Variants in COL6A6 observed in about 807,000 individuals in gnomAD.
COL6A6 encodes the protein collagen type VI alpha 6 chain.
Under a neutral mutation model 208.6 loss-of-function variants are expected in COL6A6, and 183 were observed. The ratio of observed to expected loss-of-function variants is 0.88; its 90% CI spans 0.78 to 0.99. The LOEUF is 0.99. Among genes scored for constraint, COL6A6 ranks in the 50% least tolerant of loss-of-function variants. COL6A6 has a pLI of 0.00. For synonymous variants in COL6A6, 973 were observed against 1,011.8 expected, an observed-to-expected ratio of 0.96 and a Z score of 0.73; for missense variants, 2,816 against 2,815.2, an observed-to-expected ratio of 1.00 and a Z score of -0.01.
chr3:130,668,664 G>A (rs1195511854), intron 36 of COL6A6, among the ~76,000 whole-genome samples: 2 of 152,134 alleles, frequency 1.3e-5, no homozygotes, highest in Non-Finnish European at 2.9e-5. Context: ...TAAAGAGGAT[G>A]ACTACATGAT....
rs371520731 is a variant in COL6A6, at chr3:130,563,623, T to C, written c.620T>C (p.Ile207Thr). The change falls in exon 3 of 37, where the codon ATA becomes ACA. Residue 207 changes from isoleucine (I) to threonine (T), a missense_variant. Physicochemically the swap from Ile to Thr is moderately conservative, Grantham distance 89 (BLOSUM62 -1). Coordinates refer to ENST00000358511, the MANE Select transcript of COL6A6 (RefSeq NM_001102608.3). ...QNMTHIIKDVIKYKEGAVDDI... is the reference protein window; with the variant it reads ...QNMTHIIKDVTKYKEGAVDDI... The stretch of plus-strand genomic sequence containing the variant: ...ATGACACACATCATCAAGGATGTAA[T>C]AAAGTACAAGGAGGGAGCAGTTGAT... 3 of 1,613,686 alleles carry C rather than the reference T, an allele frequency of 1.9e-6. No homozygotes were observed. Among genetic ancestry groups the C allele is most frequent in the African/African-American group, 1.3e-5 (1 of 74,904 alleles).
At chr3:130,595,876 T>A (rs934180815) in intron 18 of COL6A6, among the ~76,000 whole-genome samples, 3 of 152,178 alleles carry the variant, frequency 2.0e-5, no homozygotes, top group Non-Finnish European at 4.4e-5. Context: ...GTCTTTACAG[T>A]CAAATGGTTT....
chr3:130,601,390 A>G (rs2064015295), intron 20 of COL6A6, among the ~76,000 whole-genome samples: 1 of 152,220 alleles, frequency 6.6e-6, no homozygotes, highest in Non-Finnish European at 1.5e-5. Flanking sequence ...ATGAAAAGAG[A>G]TCGTTTAAAA....
At chr3:130,655,330 C>A (rs1324182566) in intron 33 of COL6A6, among the ~76,000 whole-genome samples, 1 of 152,158 alleles carries the variant, frequency 6.6e-6, no homozygotes, top group African/African-American at 2.4e-5. Context: ...CCAGATGAAC[C>A]CACTCTTCTC....
intron 8 of COL6A6, 26 bp downstream of exon 8, chr3:130,574,551 C>G: frequency 1.3e-6 from 2 of 1,564,776 alleles, no homozygotes; most frequent in Non-Finnish European, 8.8e-7. Context: ...GTTCTTCATT[C>G]GATTCCCTAC....
At chr3:130,610,503 G>A (rs191089590) in intron 22 of COL6A6, 146 bp from the exon 23 acceptor site, 6 of 668,226 alleles carry the variant, frequency 9.0e-6, no homozygotes, top group Non-Finnish European at 1.6e-5. Flanking sequence ...AGCTCCACAG[G>A]CCAGGATGGA....
At chr3:130,621,536 TAAC>T (rs1302534935) in intron 23 of COL6A6, among the ~76,000 whole-genome samples, 4 of 152,256 alleles carry the variant, frequency 2.6e-5, no homozygotes, top group Non-Finnish European at 5.9e-5. Context: ...TTAGGCATTT[TAAC>T]AACATCTGTT....
At chr3:130,532,445 T>C (rs1342242578) in intron 1 of COL6A6, among the ~76,000 whole-genome samples, 1 of 152,202 alleles carries the variant, frequency 6.6e-6, no homozygotes, top group Non-Finnish European at 1.5e-5. Context: ...GCGTCCCCAA[T>C]CAGACTCTGA....
chr3:130,607,007 G>T, intron 21 of COL6A6, 41 bp downstream of exon 21: 1 of 1,487,794 alleles, frequency 6.7e-7, no homozygotes, highest in Non-Finnish European at 9.3e-7. Context: ...AACAAATACT[G>T]CATCCAATCA....
intron 10 of COL6A6, among the ~76,000 whole-genome samples, 192 bp from the exon 11 acceptor site, chr3:130,586,314 C>G (rs1186503640): frequency 2.0e-5 from 3 of 152,152 alleles, no homozygotes; most frequent in Non-Finnish European, 4.4e-5. Context: ...TTTTGAAAAA[C>G]ATAATTCCTT....
rs1401578017 is a variant in COL6A6, at chr3:130,642,966, TG to T, written c.5191-20del. The T allele has an allele frequency of 6.2e-7, 1 of 1,613,794 alleles. No homozygotes were observed. Among genetic ancestry groups the T allele is most frequent in the Non-Finnish European group, 8.5e-7 (1 of 1,179,740 alleles). On this transcript the variant is annotated intron_variant, in intron 30 of 36. Coordinates refer to ENST00000358511, the MANE Select transcript of COL6A6 (RefSeq NM_001102608.3). Reference sequence around the variant, plus strand: ...TAGCAGTTTGTTGTTTAATTGTTTCTGTTTTATTTTCGAACTGCAGACATGT... The same window carrying T: ...TAGCAGTTTGTTGTTTAATTGTTTCTTTTTATTTTCGAACTGCAGACATGT...
intron 21 of COL6A6, 76 bp downstream of exon 21, chr3:130,607,042 A>T: frequency 8.2e-7 from 1 of 1,213,562 alleles, no homozygotes; most frequent in Non-Finnish European, 1.2e-6. Context: ...AGTCTCTGTA[A>T]AGTCTCTAAA....
At chr3:130,573,858 C>T (rs572847305) in intron 7 of COL6A6, 98 bp from the exon 8 acceptor site, 79 of 856,028 alleles carry the variant, frequency 9.2e-5, no homozygotes, top group Non-Finnish European at 1.4e-4. Flanking sequence ...AGTGAGCCAC[C>T]GCGCCCGGCC....
At position 130,593,235 on chromosome 3, in the gene COL6A6, G is replaced by T. The variant is rs557975446; in HGVS notation, c.4453G>T (p.Gly1485Ter). The change falls in exon 17 of 37, where the codon GGA (glycine) becomes TGA (stop). Residue 1485 changes from glycine (G) to a stop codon, truncating the protein, a stop_gained. Transcript: ENST00000358511. LOFTEE classifies it high-confidence loss of function. ...NGLPGRKGEK[G>*]DEGSQGSPGK... ...TCTTCCTGGAAGAAAAGGAGAAAAG[G>T]GAGATGAGGGATCTCAGGTAGGGAT... The T allele has an allele frequency of 3.1e-6, 5 of 1,612,438 alleles. No homozygotes were observed. Among genetic ancestry groups the T allele is most frequent in the Non-Finnish European group, 4.2e-6 (5 of 1,178,552 alleles).
intron 20 of COL6A6, among the ~76,000 whole-genome samples, chr3:130,606,350 A>C (rs1309063293): frequency 1.3e-5 from 2 of 151,614 alleles, no homozygotes; most frequent in African/African-American, 2.4e-5. Flanking sequence ...GAATATTAAT[A>C]TACTGGATTG....
chr3:130,573,790 C>T (rs1298113635), intron 7 of COL6A6, among the ~76,000 whole-genome samples, 166 bp from the exon 8 acceptor site: 4 of 151,852 alleles, frequency 2.6e-5, no homozygotes, highest in Non-Finnish European at 5.9e-5. Context: ...AGGATGGTCT[C>T]GCTCTCCTGA....
intron 33 of COL6A6, among the ~76,000 whole-genome samples, chr3:130,651,493 C>T: frequency 6.6e-6 from 1 of 150,460 alleles, no homozygotes. Context: ...GTTGCTTGAT[C>T]CTGAACAAAA....
rs2063766174 is a variant in COL6A6 at position 130,593,258 on chromosome 3, G to T, written c.4470+6G>T. Reference sequence around the variant, plus strand: ...AGGGAGATGAGGGATCTCAGGTAGGGATTTGAAAAGGAAGAACATAAAAAT... The same window carrying T: ...AGGGAGATGAGGGATCTCAGGTAGGTATTTGAAAAGGAAGAACATAAAAAT... On this transcript the variant is annotated splice_donor_region_variant and intron_variant, in intron 17 of 36. Coordinates refer to ENST00000358511, the MANE Select transcript of COL6A6 (RefSeq NM_001102608.3). 1 of 1,607,266 alleles carries T rather than the reference G, an allele frequency of 6.2e-7. No homozygotes were observed. The highest frequency in any genetic ancestry group is 1.3e-5 in the African/African-American group (1 of 74,778).
At chr3:130,533,954 CTTT>C (rs1419399609) in intron 1 of COL6A6, among the ~76,000 whole-genome samples, 1 of 152,152 alleles carries the variant, frequency 6.6e-6, no homozygotes, top group African/African-American at 2.4e-5. Context: ...CCAGTTTAAT[CTTT>C]TTTAACCTCT....
Sources: gnomAD v4.1 joint callset for allele counts (sites outside exome capture counted in the v4.1 genomes callset) on GRCh38, gnomAD v4.1.1 for gene constraint, MANE v1.5 for transcripts, NCBI Gene and HGNC (gene_info 2026-07-23, HGNC 2026-07-21) for gene names.